The following MUC7 variants were observed in gnomAD, a reference collection of about 807,000 sequenced individuals.
MUC7 encodes mucin-7.
A neutral mutation model predicts 2.5 loss-of-function variants in MUC7; 2 were observed. That is an observed-to-expected ratio of 0.81 (90% CI 0.33 to 2.55). The LOEUF (loss-of-function observed/expected upper bound fraction) is 2.55, where lower values mean the gene tolerates loss of function less well. Ranked by LOEUF, MUC7 falls within the 30% of genes most tolerant of loss-of-function variation. The pLI, the probability that MUC7 is intolerant of heterozygous loss-of-function variation, is 0.11. For missense variants in MUC7, 408 were observed against 455.6 expected, an observed-to-expected ratio of 0.90 and a Z score of 0.95; for synonymous variants, 133 against 173.4, an observed-to-expected ratio of 0.77 and a Z score of 1.83.
At chr4:70,438,907 T>G (rs530464195) in intron 1 of MUC7, among the ~76,000 whole-genome samples, 1 of 152,216 alleles carries the variant, frequency 6.6e-6, no homozygotes, top group African/African-American at 2.4e-5. Context: ...GATTTATGCA[T>G]TCAACATACA....
chr4:70,457,172 G>A (rs1278465399), intron 1 of MUC7, among the ~76,000 whole-genome samples: 1 of 152,162 alleles, frequency 6.6e-6, no homozygotes, highest in Non-Finnish European at 1.5e-5. Flanking sequence ...GCCAGGTGTG[G>A]TGGCTCATAC....
At chr4:70,478,762 G>A (rs1291795806) in intron 2 of MUC7, among the ~76,000 whole-genome samples, 1 of 152,182 alleles carries the variant, frequency 6.6e-6, no homozygotes. Flanking sequence ...AATCTCCAGG[G>A]AAAGATCTGT....
intron 2 of MUC7, among the ~76,000 whole-genome samples, chr4:70,478,870 C>A (rs187596364): frequency 9.2e-5 from 14 of 152,330 alleles, no homozygotes; most frequent in African/African-American, 3.1e-4. Context: ...GTTACCGATT[C>A]TGAAAACCTA....
In MUC7 at chr4:70,480,985, C is replaced by A. The variant is rs775270784; in HGVS notation, c.241C>A (p.Pro81Thr). The change falls in exon 3 of 3, where the codon CCC becomes ACC. Residue 81 changes from proline to threonine, a missense_variant. Pro to Thr is a conservative substitution (Grantham distance 38). Around this residue, in one of 3 missense-constraint regions of MUC7, gnomAD observed 225 missense variants for 240.5 expected, o/e 0.94. Transcript: ENST00000304887. The part of the protein sequence containing the change: ...RPKLPPSPNN[P>T]PKFPNPHQPP... ...TAAGCTTCCACCTTCACCTAATAACCCCCCCAAATTCCCAAATCCTCACCA... is the reference window on the plus strand; with the variant it reads ...TAAGCTTCCACCTTCACCTAATAACACCCCCAAATTCCCAAATCCTCACCA... The A allele has an allele frequency of 6.8e-6, 11 of 1,613,962 alleles. No individual in the cohort carries two copies. Among genetic ancestry groups the A allele is most frequent in the Non-Finnish European group, 7.6e-6 (9 of 1,179,944 alleles).
chr4:70,434,409 T>A (rs13435848), intron 1 of MUC7, among the ~76,000 whole-genome samples: 19,589 of 152,206 alleles, frequency 0.13, 1,375 homozygotes, highest in East Asian at 0.2. Context: ...TTGTTATTGG[T>A]CTATTCAGAG....
intron 1 of MUC7, among the ~76,000 whole-genome samples, chr4:70,460,862 C>A (rs1734539462): frequency 6.6e-6 from 1 of 152,184 alleles, no homozygotes; most frequent in Admixed American, 6.5e-5. Context: ...CACAACGGCA[C>A]CCTACTGCAG....
upstream of MUC7, among the ~76,000 whole-genome samples, chr4:70,468,390 G>A (rs528468924): frequency 6.6e-6 from 1 of 152,158 alleles, no homozygotes; most frequent in Non-Finnish European, 1.5e-5. Context: ...GTTCAACATA[G>A]TATGGGAAGT....
chr4:70,435,954 C>A (rs942068805), intron 1 of MUC7, among the ~76,000 whole-genome samples: 1 of 152,176 alleles, frequency 6.6e-6, no homozygotes, highest in African/African-American at 2.4e-5. Context: ...TTCTCCTTCA[C>A]TTATGAAGCT....
At chr4:70,443,881 C>T (rs1226814703) in intron 1 of MUC7, among the ~76,000 whole-genome samples, 1 of 152,208 alleles carries the variant, frequency 6.6e-6, no homozygotes, top group African/African-American at 2.4e-5. Context: ...CCACAGAAAG[C>T]TGGCTCATAC....
chr4:70,455,789 C>T (rs1734396741), intron 1 of MUC7, among the ~76,000 whole-genome samples: 1 of 152,176 alleles, frequency 6.6e-6, no homozygotes, highest in Non-Finnish European at 1.5e-5. Flanking sequence ...CCTCCCAACT[C>T]CGTATACTTT....
chr4:70,432,303 G>T (rs1458341109), intron 1 of MUC7, among the ~76,000 whole-genome samples: 1 of 152,170 alleles, frequency 6.6e-6, no homozygotes, highest in African/African-American at 2.4e-5. Context: ...TCTAGTTTTA[G>T]ATCCTTGAGG....
intron 1 of MUC7, among the ~76,000 whole-genome samples, chr4:70,437,731 C>T (rs1312452290): frequency 6.6e-6 from 1 of 152,138 alleles, no homozygotes; most frequent in Non-Finnish European, 1.5e-5. Context: ...AGGCTGTACC[C>T]ACTGTCCAAC....
Position 70,435,460 on chromosome 4 carries a change from C to A in MUC7, c.-93+4773C>A, listed in dbSNP as rs560006651. 3.9e-4 allele frequency among the ~76,000 whole-genome samples: 60 copies of A among 152,270 alleles called. No individual in the cohort carries two copies. In the East Asian group the frequency reaches 0.011, roughly 27 times the overall value. ...TGATCGCTTTACCATTATGTAATGG[C>A]CTCCTTTGTCTCTTTTGATCTTTGT... On this transcript the variant is annotated intron_variant, in intron 1 of 3. Transcript: ENST00000413702.
At chr4:70,456,577 C>T (rs1393487642) in intron 1 of MUC7, among the ~76,000 whole-genome samples, 1 of 152,124 alleles carries the variant, frequency 6.6e-6, no homozygotes, top group Non-Finnish European at 1.5e-5. Flanking sequence ...GGGACTGCCA[C>T]ACACTTTTAA....
Position 70,480,841 on chromosome 4 carries a change from A to AG in MUC7, c.99dup (p.His34AlafsTer11). On this transcript the variant is annotated frameshift_variant, in exon 3 of 3. Coordinates refer to ENST00000304887, the MANE Select transcript of MUC7 (RefSeq NM_152291.3). LOFTEE classifies it low-confidence loss of function (END_TRUNC). ...AAGGGATCATGAACTACGTCACAGA[A>AG]GGCATCATCACCAATCACCCAAATC... 6.2e-7 allele frequency: 1 copy of AG among 1,614,068 alleles called. No homozygotes were observed. Among genetic ancestry groups the AG allele is most frequent in the African/African-American group, 1.3e-5 (1 of 75,034 alleles).
chr4:70,481,848 C>T lies in MUC7; in HGVS notation c.1104C>T (p.Asn368=). 1.2e-5 allele frequency: 20 copies of T among 1,613,956 alleles called. No homozygotes were observed. Among genetic ancestry groups the T allele is most frequent in the Non-Finnish European group, 1.7e-5 (20 of 1,179,936 alleles). Residue 368 remains asparagine (N), a synonymous_variant, in exon 3 of 3, where the codon AAC becomes AAT. Coordinates refer to ENST00000304887, the MANE Select transcript of MUC7 (RefSeq NM_152291.3). Reference sequence around the variant, plus strand: ...TTTTATATATGAAGAATCTACTAAACAGAATTATTGACGACATGGTGGAGC... The same window carrying T: ...TTTTATATATGAAGAATCTACTAAATAGAATTATTGACGACATGGTGGAGC... The part of the protein sequence containing the change: ...RFLLYMKNLL[N]RIIDDMVEQ
chr4:70,472,964 GAGAAAA>G (rs1211587285), intron 1 of MUC7, among the ~76,000 whole-genome samples: 2 of 152,132 alleles, frequency 1.3e-5, no homozygotes, highest in Non-Finnish European at 2.9e-5. Context: ...TAACCAAAAT[GAGAAAA>G]ACAAAAGACC....
chr4:70,465,566 G>A lies in MUC7; in HGVS notation c.-92-6649G>A, dbSNP rs529614533. On this transcript the variant is annotated intron_variant, in intron 1 of 3. Coordinates refer to the MUC7 transcript ENST00000413702. ...GAGAAGACCATAATGACCTGATGGA[G>A]CTGAAAAACACAGCACGAGAACTTC... 1.1e-4 allele frequency among the ~76,000 whole-genome samples: 16 copies of A among 152,228 alleles called. No individual in the cohort carries two copies. The East Asian group carries it at 2.5e-3, about 24-fold the overall frequency.
At chr4:70,444,317 T>C (rs1488557427) in intron 1 of MUC7, among the ~76,000 whole-genome samples, 1 of 152,166 alleles carries the variant, frequency 6.6e-6, no homozygotes, top group Non-Finnish European at 1.5e-5. Context: ...CCCCATCCCC[T>C]CTTCCTTAGG....
Sources: allele counts gnomAD v4.1 joint callset (sites outside exome capture counted in the v4.1 genomes callset), GRCh38; gene constraint gnomAD v4.1.1; regional missense constraint gnomAD v4.1.1; transcripts MANE v1.5; gene names NCBI Gene and HGNC (gene_info 2026-07-23, HGNC 2026-07-21).